RBFOX1: variants seen among roughly 807,000 people sequenced by gnomAD.
The protein encoded by RBFOX1 is RNA binding fox-1 homolog 1, also known as RNA binding protein fox-1 homolog 1.
RBFOX1 carries 8 observed loss-of-function variants against 57.7 expected under a neutral mutation model. That is an observed-to-expected ratio of 0.14 (90% CI 0.08 to 0.25). The LOEUF (loss-of-function observed/expected upper bound fraction) is 0.25. Among genes scored for constraint, RBFOX1 ranks in the 10% least tolerant of loss-of-function variants. The pLI is 1.00. For missense variants in RBFOX1, 611 were observed against 548.5 expected (o/e 1.11, Z -1.14); for synonymous variants, 326 against 222.4 (o/e 1.47, Z -4.15).
chr16:6,611,802 C>G (rs1026368360), intron 2 of RBFOX1, among the ~76,000 whole-genome samples: 1 of 152,140 alleles, frequency 6.6e-6, no homozygotes, highest in Non-Finnish European at 1.5e-5. Context: ...CCAAGGCACC[C>G]TGAGTCCTCC....
chr16:5,630,625 C>T (rs2048477886), intron 3 of RBFOX1, among the ~76,000 whole-genome samples: 1 of 152,088 alleles, frequency 6.6e-6, no homozygotes, highest in African/African-American at 2.4e-5. Flanking sequence ...ACTGAAGTTT[C>T]CATTGATTGG....
downstream of RBFOX1, among the ~76,000 whole-genome samples, chr16:5,603,953 C>T (rs946604741): frequency 6.8e-6 from 1 of 148,002 alleles, no homozygotes; most frequent in Non-Finnish European, 1.5e-5. Flanking sequence ...CCAAGGCAGA[C>T]ATTACTAAGC....
intron 2 of RBFOX1, among the ~76,000 whole-genome samples, chr16:6,341,616 C>G (rs1341244952): frequency 2.6e-5 from 4 of 152,014 alleles, no homozygotes; most frequent in African/African-American, 9.7e-5. Flanking sequence ...TCCTTTATCA[C>G]AAACCCTGAT....
intron 4 of RBFOX1, among the ~76,000 whole-genome samples, chr16:7,354,478 G>A (rs1488293824): frequency 1.3e-5 from 2 of 152,142 alleles, no homozygotes; most frequent in African/African-American, 2.4e-5. Context: ...CCTAGCACCA[G>A]CTGAGACTGT....
At chr16:6,074,483 G>T (rs2152492667) in intron 1 of RBFOX1, among the ~76,000 whole-genome samples, 1 of 152,266 alleles carries the variant, frequency 6.6e-6, no homozygotes, top group Admixed American at 6.5e-5. Context: ...ATTAATTTCT[G>T]CTAGAGCATG....
intron 3 of RBFOX1, among the ~76,000 whole-genome samples, chr16:6,883,362 A>C (rs993232607): frequency 6.6e-6 from 1 of 152,218 alleles, no homozygotes; most frequent in Non-Finnish European, 1.5e-5. Context: ...AAAGAGTATA[A>C]TCAAGTAAAT....
intron 2 of RBFOX1, among the ~76,000 whole-genome samples, chr16:6,348,075 G>A (rs933448566): frequency 6.6e-6 from 1 of 152,194 alleles, no homozygotes; most frequent in Non-Finnish European, 1.5e-5. Context: ...AGGCAGAGAA[G>A]GGGAAAGAGG....
At chr16:5,567,683 CTA>C (rs140077850) in intron 2 of RBFOX1, among the ~76,000 whole-genome samples, 6,909 of 136,042 alleles carry the variant, frequency 0.051, 209 homozygotes, top group East Asian at 0.11. Context: ...AGGGCTGTGT[CTA>C]TGTTTAGACA....
chr16:6,827,186 A>G (rs1239822884), intron 3 of RBFOX1, among the ~76,000 whole-genome samples: 2 of 139,640 alleles, frequency 1.4e-5, no homozygotes, highest in Admixed American at 7.5e-5. Flanking sequence ...AAATAAATCC[A>G]TTGTATTAGA....
At chr16:5,812,908 T>C (rs887828669) in intron 3 of RBFOX1, among the ~76,000 whole-genome samples, 2 of 152,240 alleles carry the variant, frequency 1.3e-5, no homozygotes, top group Non-Finnish European at 2.9e-5. Context: ...GTGAAGTTTC[T>C]GCTCAAATAT....
chr16:6,356,625 G>T (rs913207506), intron 2 of RBFOX1, among the ~76,000 whole-genome samples: 5 of 152,086 alleles, frequency 3.3e-5, no homozygotes, highest in Non-Finnish European at 1.5e-5. Flanking sequence ...AAGAAAAACT[G>T]TGAAATAGCT....
In RBFOX1 at chr16:7,062,272, C is replaced by G. The variant is rs1035864010; in HGVS notation, c.27+10174C>G. On this transcript the variant is annotated intron_variant, in intron 4 of 15. Coordinates refer to ENST00000550418, the MANE Select transcript of RBFOX1 (RefSeq NM_018723.4). ...TCATGAGGTTGCAGTGAGCCGAGAT[C>G]ATGCCACTGCACTCCAGTCTGAGAG... Among the ~76,000 whole-genome samples the G allele has an allele frequency of 3.3e-4, 41 of 126,044 alleles. 1 individual carries two copies. Among genetic ancestry groups the G allele is most frequent in the African/African-American group, 1.2e-3 (39 of 32,336 alleles). The allele number at this position is 126,044 out of a possible 152,430, so 82.7% of individuals were successfully genotyped here.
At chr16:6,158,381 A>G (rs766274086) in intron 1 of RBFOX1, among the ~76,000 whole-genome samples, 24 of 152,186 alleles carry the variant, frequency 1.6e-4, no homozygotes, top group Admixed American at 2.6e-4. Flanking sequence ...GTTAGTCAAT[A>G]GTGAAGGAAA....
At chr16:7,516,338 G>A (rs1405660385) in intron 4 of RBFOX1, among the ~76,000 whole-genome samples, 4 of 152,074 alleles carry the variant, frequency 2.6e-5, no homozygotes, top group Non-Finnish European at 5.9e-5. Flanking sequence ...GACTATCTCA[G>A]TGGGACCATC....
chr16:6,849,822 C>G (rs1778600429), intron 3 of RBFOX1, among the ~76,000 whole-genome samples: 1 of 152,176 alleles, frequency 6.6e-6, no homozygotes, highest in East Asian at 1.9e-4. Flanking sequence ...AATCCTCTCT[C>G]CCTCTTTTCT....
intron 4 of RBFOX1, among the ~76,000 whole-genome samples, chr16:7,294,622 G>C (rs2095855744): frequency 6.6e-6 from 1 of 152,046 alleles, no homozygotes; most frequent in Non-Finnish European, 1.5e-5. Flanking sequence ...AATTGAGTAA[G>C]GACAAGAAAG....
At chr16:7,292,267 A>G (rs1340927101) in intron 4 of RBFOX1, among the ~76,000 whole-genome samples, 1 of 118,884 alleles carries the variant, frequency 8.4e-6, no homozygotes, top group African/African-American at 3.1e-5. Context: ...TATGATATAG[A>G]ACGTATTATA....
At chr16:5,872,209 A>C (rs1409711491) in intron 4 of RBFOX1, among the ~76,000 whole-genome samples, 1 of 152,162 alleles carries the variant, frequency 6.6e-6, no homozygotes. Context: ...GTCATTTGAG[A>C]ACCTAGCACA....
intron 3 of RBFOX1, among the ~76,000 whole-genome samples, chr16:6,716,269 A>G (rs1451193829): frequency 6.6e-6 from 1 of 152,208 alleles, no homozygotes; most frequent in Non-Finnish European, 1.5e-5. Flanking sequence ...ATTACTTACC[A>G]CAAAGCCATC....
Sources: gnomAD v4.1 joint callset for allele counts (sites outside exome capture counted in the v4.1 genomes callset) on GRCh38, gnomAD v4.1.1 for gene constraint, MANE v1.5 for transcripts, NCBI Gene and HGNC (gene_info 2026-07-23, HGNC 2026-07-21) for gene names.